BOK: variants seen among roughly 807,000 people sequenced by gnomAD.
BOK encodes BCL2 family apoptosis regulator BOK.
In BOK, 20 loss-of-function variants were observed where a neutral mutation model predicts 18.3. The observed-to-expected ratio is 1.09, with a 90% CI of 0.77 to 1.59. BOK has a LOEUF of 1.59. Among genes scored for constraint, BOK ranks in the 40% most tolerant of loss-of-function variants. The pLI is 0.00. For synonymous variants in BOK, 173 were observed against 142.4 expected (o/e 1.21, Z -1.53); for missense variants, 348 against 307.9 (o/e 1.13, Z -0.97).
rs117303028 is a variant in BOK at position 241,562,625 on chromosome 2, G to A, written c.349+149G>A. 0.013 allele frequency: 14,289 copies of A among 1,111,556 alleles called. 669 individuals are homozygous for A. Among genetic ancestry groups the A allele is most frequent in the East Asian group, 0.1 (3,644 of 36,016 alleles). The allele number at this position is 1,111,556 out of a possible 1,614,324, so 68.9% of individuals were successfully genotyped here. On this transcript the variant is annotated intron_variant, in intron 3 of 4. Transcript: ENST00000318407. The surrounding 1 kb of genome is among the most constrained non-coding windows in gnomAD (Gnocchi z 4.5). ...CATCTCACTGCTGCAGGTGTCAGGA[G>A]CTGCCCAGCCACCAGCGTGGGCTCA...
At chr2:241,553,312 A>C (rs1028539509) in intron 1 of BOK, among the ~76,000 whole-genome samples, 2 of 152,052 alleles carry the variant, frequency 1.3e-5, no homozygotes, top group African/African-American at 4.8e-5. Context: ...TACCACACCC[A>C]GCTAATTTTT....
At chr2:241,561,305 T>G (rs911078303) in intron 2 of BOK, among the ~76,000 whole-genome samples, 2 of 152,352 alleles carry the variant, frequency 1.3e-5, no homozygotes, top group African/African-American at 4.8e-5. Flanking sequence ...CAGGCAGCAC[T>G]GGGGCGGTGG....
At chr2:241,551,757 C>A (rs994582798) in intron 1 of BOK, among the ~76,000 whole-genome samples, 1 of 152,186 alleles carries the variant, frequency 6.6e-6, no homozygotes. Context: ...GGAAGGCTTG[C>A]GCTGGCCAAG....
At chr2:241,568,353 C>T (rs2066649017) in intron 3 of BOK, among the ~76,000 whole-genome samples, 1 of 152,062 alleles carries the variant, frequency 6.6e-6, no homozygotes, top group Non-Finnish European at 1.5e-5. Context: ...ATCTCCTGAC[C>T]TCGTGATCCA....
intron 3 of BOK, among the ~76,000 whole-genome samples, chr2:241,568,837 GTGTT>G (rs755744063): frequency 2.8e-4 from 43 of 152,358 alleles, no homozygotes; most frequent in Non-Finnish European, 4.7e-4. Flanking sequence ...CTGTGACTGA[GTGTT>G]TGTTTGAGCT....
chr2:241,559,177 C>A (rs1185214620), intron 1 of BOK, among the ~76,000 whole-genome samples, 184 bp downstream of exon 1: 2 of 151,560 alleles, frequency 1.3e-5, no homozygotes, highest in African/African-American at 4.8e-5. Flanking sequence ...CCCCCGCCGC[C>A]CACGCACTCG....
rs1249343216 is a variant in BOK at position 241,567,067 on chromosome 2, C to A, written c.350-3058C>A. On this transcript the variant is annotated intron_variant, in intron 3 of 4. Coordinates refer to ENST00000318407, the MANE Select transcript of BOK (RefSeq NM_032515.5). ...GGACGCCGAGGCTGGTGCCTCCGGA[C>A]TCCTGTCTTCCTGTCTTTCTTTCCC... 2.2e-5 allele frequency among the ~76,000 whole-genome samples: 3 copies of A among 133,690 alleles called. 1 individual carries two copies. Among genetic ancestry groups the A allele is most frequent in the Non-Finnish European group, 4.8e-5 (3 of 62,764 alleles). 87.7% of individuals were successfully genotyped at this position (133,690 alleles called of 152,430 possible). A position where few individuals can be genotyped will look rare whatever the true frequency, so the allele number is the denominator to read the frequency against.
intron 2 of BOK, 85 bp downstream of exon 2, chr2:241,559,788 G>T: frequency 8.1e-7 from 1 of 1,240,304 alleles, no homozygotes; most frequent in Non-Finnish European, 1.0e-6. Context: ...TGGGGGTCCG[G>T]CCCAGGGGCG....
upstream of BOK, among the ~76,000 whole-genome samples, chr2:241,558,226 T>G (rs1357141725): frequency 1.3e-5 from 2 of 152,090 alleles, no homozygotes; most frequent in African/African-American, 4.8e-5. Flanking sequence ...TCACAATAAT[T>G]AATATGTAAT....
At chr2:241,569,130 G>GTATT (rs953035984) in intron 3 of BOK, among the ~76,000 whole-genome samples, 11 of 152,164 alleles carry the variant, frequency 7.2e-5, no homozygotes, top group Admixed American at 2.0e-4. Context: ...TTAAAAGCAT[G>GTATT]TATTTATTTA....
upstream of BOK, among the ~76,000 whole-genome samples, chr2:241,554,324 C>G (rs2066435887): frequency 1.7e-5 from 2 of 114,574 alleles, no homozygotes; most frequent in South Asian, 5.9e-4. Context: ...GGGAGAATCC[C>G]AAGCCTGAGG....
At chr2:241,567,578 G>A (rs572720101) in intron 3 of BOK, among the ~76,000 whole-genome samples, 1 of 135,012 alleles carries the variant, frequency 7.4e-6, no homozygotes, top group Non-Finnish European at 1.6e-5. Context: ...GGGTAGAGCA[G>A]GGGCTGTGCC....
chr2:241,560,383 G>A (rs1442710937), intron 2 of BOK: 1 of 787,474 alleles, frequency 1.3e-6, no homozygotes, highest in Non-Finnish European at 1.5e-6. Flanking sequence ...CACATGGGGC[G>A]CCTGTGGCTG....
chr2:241,553,778 C>A (rs572161409), upstream of BOK, among the ~76,000 whole-genome samples: 1 of 152,316 alleles, frequency 6.6e-6, no homozygotes, highest in Non-Finnish European at 1.5e-5. Context: ...CAGATCCAAG[C>A]TGTATCACCC....
chr2:241,565,545 C>T (rs1470365949), intron 3 of BOK, among the ~76,000 whole-genome samples: 6 of 147,850 alleles, frequency 4.1e-5, no homozygotes, highest in East Asian at 2.0e-4. Context: ...GCCCCTCCCA[C>T]GCCAGCCATC....
At chr2:241,553,627 G>A (rs1199201064) in intron 1 of BOK, among the ~76,000 whole-genome samples, 2 of 152,158 alleles carry the variant, frequency 1.3e-5, no homozygotes, top group African/African-American at 2.4e-5. Context: ...GGTGCCACAC[G>A]CTTTTAAAGA....
At chr2:241,568,307 A>T (rs915180443) in intron 3 of BOK, among the ~76,000 whole-genome samples, 4 of 151,522 alleles carry the variant, frequency 2.6e-5, no homozygotes, top group African/African-American at 9.7e-5. Context: ...TTTTTAGTAG[A>T]GATGGGGTTT....
intron 4 of BOK, 119 bp from the exon 5 acceptor site, chr2:241,572,178 C>T: frequency 6.9e-7 from 1 of 1,450,960 alleles, no homozygotes; most frequent in Non-Finnish European, 9.3e-7. Flanking sequence ...GAACAGTCTC[C>T]TGCATTCCCT....
rs2066740615 is a variant in BOK at position 241,572,513 on chromosome 2, G to A, written c.*91G>A. 1.0e-5 allele frequency: 15 copies of A among 1,498,130 alleles called. No homozygotes were observed. Among genetic ancestry groups the A allele is most frequent in the East Asian group, 7.3e-5 (3 of 41,122 alleles). 92.8% of individuals were successfully genotyped at this position (1,498,130 alleles called of 1,614,324 possible). A position where few individuals can be genotyped will look rare whatever the true frequency, so the allele number is the denominator to read the frequency against. On this transcript the variant is annotated 3_prime_UTR_variant, in exon 5 of 5. Coordinates refer to ENST00000318407, the MANE Select transcript of BOK (RefSeq NM_032515.5). Reference sequence around the variant, plus strand: ...GAACACATCTTCCTCCTCCCCACCCGAGCCTGGAGCACTCTAACCCTCGGA... The same window carrying A: ...GAACACATCTTCCTCCTCCCCACCCAAGCCTGGAGCACTCTAACCCTCGGA...
Sources: gnomAD v4.1 joint callset for allele counts (sites outside exome capture counted in the v4.1 genomes callset) on GRCh38, gnomAD v4.1.1 for gene constraint, Gnocchi (gnomAD v3.1) non-coding constraint, MANE v1.5 for transcripts, NCBI Gene and HGNC (gene_info 2026-07-23, HGNC 2026-07-21) for gene names.